The following RAB11FIP4 variants were observed in gnomAD, a reference collection of about 807,000 sequenced individuals.
RAB11FIP4 encodes RAB11 family interacting protein 4.
A neutral mutation model predicts 74.3 loss-of-function variants in RAB11FIP4; 23 were observed. The ratio of observed to expected loss-of-function variants is 0.31; its 90% confidence interval spans 0.22 to 0.44. The LOEUF (loss-of-function observed/expected upper bound fraction) is 0.44. Ranked by LOEUF, RAB11FIP4 falls within the 20% of genes least tolerant of loss-of-function variation. RAB11FIP4 has a pLI of 1.00. For missense variants in RAB11FIP4, 630 were observed against 863.9 expected, an observed-to-expected ratio of 0.73 and a Z score of 3.39; for synonymous variants, 360 against 359.9, an observed-to-expected ratio of 1.00 and a Z score of 0.00.
Position 31,521,266 on chromosome 17 carries a change from G to A in RAB11FIP4, c.664G>A (p.Gly222Ser). The change falls in exon 5 of 15, where the codon GGT (glycine) becomes AGT (serine). Residue 222 changes from glycine to serine, a missense_variant. Gly to Ser is a moderately conservative substitution (Grantham distance 56). Transcript: ENST00000621161. ...GGAGCAGTTTGAAGACTATGGGGAG[G>A]GTGACGATGTGGACTGTGCCCCCAG... is the stretch of plus-strand genomic sequence containing the variant. Reference protein sequence around the residue: ...NEEQFEDYGEGDDVDCAPSSP... With the variant: ...NEEQFEDYGESDDVDCAPSSP... The A allele has an allele frequency of 6.2e-7, 1 of 1,614,018 alleles. No homozygotes were observed. The highest frequency in any genetic ancestry group is 8.5e-7 in the Non-Finnish European group (1 of 1,179,952).
chr17:31,531,297 T>C (rs940572308), intron 14 of RAB11FIP4, among the ~76,000 whole-genome samples: 2 of 152,066 alleles, frequency 1.3e-5, no homozygotes, highest in Admixed American at 6.5e-5. Flanking sequence ...ACTTTGTCAG[T>C]CTTGATTTTA....
At chr17:31,399,009 G>T (rs2070958722) in intron 1 of RAB11FIP4, among the ~76,000 whole-genome samples, 3 of 152,226 alleles carry the variant, frequency 2.0e-5, no homozygotes, top group Admixed American at 2.0e-4. Context: ...TGGTGCCCCG[G>T]CCTGGGCAAC....
At chr17:31,468,605 C>T (rs1597935084) in intron 3 of RAB11FIP4, among the ~76,000 whole-genome samples, 1 of 151,872 alleles carries the variant, frequency 6.6e-6, no homozygotes, top group South Asian at 2.1e-4. Context: ...CCGAGGCAGG[C>T]GGACCACAAG....
At chr17:31,475,030 G>C (rs2071777974) in intron 3 of RAB11FIP4, among the ~76,000 whole-genome samples, 1 of 152,150 alleles carries the variant, frequency 6.6e-6, no homozygotes, top group South Asian at 2.1e-4. Flanking sequence ...GGCATAATGT[G>C]GTGAGGAGAG....
intron 1 of RAB11FIP4, among the ~76,000 whole-genome samples, chr17:31,403,269 C>T (rs536652305): frequency 6.5e-4 from 99 of 152,126 alleles, no homozygotes; most frequent in Middle Eastern, 3.4e-3. Context: ...ATATGGAGAC[C>T]CAAGGACTCC....
intron 13 of RAB11FIP4, 40 bp from the exon 14 acceptor site, chr17:31,530,285 GC>G: frequency 4.4e-6 from 7 of 1,604,660 alleles, no homozygotes; most frequent in Non-Finnish European, 6.0e-6. Context: ...GGCTGTGGAT[GC>G]CTCTTGGGGT....
intron 3 of RAB11FIP4, among the ~76,000 whole-genome samples, chr17:31,447,682 C>T (rs1342821269): frequency 6.6e-6 from 1 of 151,700 alleles, no homozygotes; most frequent in Admixed American, 6.6e-5. Flanking sequence ...ACCCCCATGC[C>T]CAGCAAATTT....
At chr17:31,475,090 CA>C (rs1460580042) in intron 3 of RAB11FIP4, among the ~76,000 whole-genome samples, 1 of 152,010 alleles carries the variant, frequency 6.6e-6, no homozygotes. Context: ...AGGGCAGGAG[CA>C]AAACCTTGAA....
At chr17:31,516,467 ATTTAT>A (rs916021945) in intron 3 of RAB11FIP4, among the ~76,000 whole-genome samples, 1 of 152,042 alleles carries the variant, frequency 6.6e-6, no homozygotes, top group Non-Finnish European at 1.5e-5. Flanking sequence ...AAAAACAGAG[ATTTAT>A]TTTATTTTAT....
chr17:31,528,391 G>T lies in RAB11FIP4; in HGVS notation c.1357-15G>T, dbSNP rs758152102. ...CTGGGAACTCTCCTCCCCTGATCGG[G>T]TCTCCCTGCTCCAGGAGCGGCAGCG... On this transcript the variant is annotated splice_polypyrimidine_tract_variant and intron_variant, in intron 11 of 14. Transcript: ENST00000621161. 2.9e-5 allele frequency: 46 copies of T among 1,610,416 alleles called. No individual in the cohort carries two copies. In the East Asian group the frequency reaches 5.6e-4, roughly 19 times the overall value.
intron 3 of RAB11FIP4, among the ~76,000 whole-genome samples, chr17:31,468,218 C>T (rs1450240770): frequency 6.6e-6 from 1 of 152,152 alleles, no homozygotes; most frequent in Non-Finnish European, 1.5e-5. Flanking sequence ...TGATCAGAGC[C>T]TCTGTCTCCC....
At chr17:31,488,477 C>G (rs1220313945) in intron 3 of RAB11FIP4, 1 of 471,312 alleles carries the variant, frequency 2.1e-6, no homozygotes, top group Non-Finnish European at 2.9e-6. Context: ...CCAGGAAGTG[C>G]TTTTAGTGGA....
intron 3 of RAB11FIP4, among the ~76,000 whole-genome samples, chr17:31,483,771 T>C (rs948799807): frequency 6.6e-6 from 1 of 152,144 alleles, no homozygotes; most frequent in African/African-American, 2.4e-5. Flanking sequence ...TTCAGAAGGG[T>C]TCTTTTCTCA....
chr17:31,480,283 G>A (rs539595847), intron 3 of RAB11FIP4, among the ~76,000 whole-genome samples: 6 of 152,178 alleles, frequency 3.9e-5, no homozygotes, highest in African/African-American at 1.4e-4. Flanking sequence ...AGGAGGAGGA[G>A]CGAGAACATT....
intron 1 of RAB11FIP4, among the ~76,000 whole-genome samples, chr17:31,413,837 A>C (rs1265238801): frequency 6.6e-6 from 1 of 152,158 alleles, no homozygotes; most frequent in East Asian, 1.9e-4. Context: ...AAAGAGTCAT[A>C]AGAGTTTCAT....
intron 9 of RAB11FIP4, 88 bp downstream of exon 9, chr17:31,524,084 G>C: frequency 1.1e-6 from 1 of 911,630 alleles, no homozygotes; most frequent in Non-Finnish European, 1.7e-6. Flanking sequence ...GGAGGAGGCA[G>C]CCTCATGCCT....
chr17:31,471,068 GT>G (rs34337037), intron 3 of RAB11FIP4, among the ~76,000 whole-genome samples: 33,997 of 144,458 alleles, frequency 0.24, 4,729 homozygotes, highest in African/African-American at 0.42. Flanking sequence ...GAAATGGAAG[GT>G]TTTTTTTTTT....
chr17:31,516,751 G>A (rs2072558056), intron 3 of RAB11FIP4, among the ~76,000 whole-genome samples: 1 of 152,244 alleles, frequency 6.6e-6, no homozygotes, highest in East Asian at 1.9e-4. Context: ...ACAGGCGTGA[G>A]CCACCGTGCC....
intron 3 of RAB11FIP4, among the ~76,000 whole-genome samples, chr17:31,488,978 C>T (rs1025415433): frequency 6.6e-6 from 1 of 152,204 alleles, no homozygotes; most frequent in African/African-American, 2.4e-5. Context: ...TACTCCTCGC[C>T]CATGCAAACT....
Sources: allele counts gnomAD v4.1 joint callset (sites outside exome capture counted in the v4.1 genomes callset), GRCh38; gene constraint gnomAD v4.1.1; transcripts MANE v1.5; gene names NCBI Gene and HGNC (gene_info 2026-07-23, HGNC 2026-07-21).